NIN: variants seen among roughly 807,000 people sequenced by gnomAD.
NIN encodes the protein ninein.
Under a neutral mutation model 257.6 loss-of-function variants are expected in NIN, and 137 were observed. The observed-to-expected ratio is 0.53, with a 90% CI of 0.46 to 0.61. The LOEUF (loss-of-function observed/expected upper bound fraction) is 0.61. NIN is among the 20% of genes least tolerant of loss of function. The pLI is 0.00. For synonymous variants in NIN, 918 were observed against 919.8 expected (o/e 1.00, Z 0.04); for missense variants, 2,439 against 2,501.2 (o/e 0.98, Z 0.53).
chr14:50,812,101 C>T (rs1310165435), intron 3 of NIN, among the ~76,000 whole-genome samples: 1 of 152,180 alleles, frequency 6.6e-6, no homozygotes, highest in Non-Finnish European at 1.5e-5. Flanking sequence ...GCTTGGGTGA[C>T]AGAGCGAGAC....
intron 3 of NIN, among the ~76,000 whole-genome samples, chr14:50,821,550 C>T (rs75624295): frequency 0.02 from 3,038 of 152,282 alleles, 43 homozygotes; most frequent in African/African-American, 0.042. Flanking sequence ...GGAAATCTCA[C>T]CCTCCTCCTT....
In NIN at chr14:50,738,249, TG is replaced by T. The variant is rs767039870; in HGVS notation, c.5665del (p.Gln1889LysfsTer4). The T allele has an allele frequency of 6.2e-7, 1 of 1,614,050 alleles. No individual in the cohort carries two copies. On this transcript the variant is annotated frameshift_variant, in exon 27 of 31. Transcript: ENST00000530997. LOFTEE classifies it high-confidence loss of function. Reference protein sequence around the residue: ...QLESNLLPKHQKHLNPSGTMN... With the variant: ...QLESNLLPKHXKHLNPSGTMN... Reference sequence around the variant, plus strand: ...GGTACCTGATGGGTTTAGATGTTTTTGGTGCTTGGGAAGAAGATTGGATTCC... The same window carrying T: ...GGTACCTGATGGGTTTAGATGTTTTTGTGCTTGGGAAGAAGATTGGATTCC...
chr14:50,760,379 C>T lies in NIN; in HGVS notation c.1897-20G>A, dbSNP rs770160503. The stretch of plus-strand genomic sequence containing the variant: ...GCGCACCTGAAGGCACAGAGTGACA[C>T]CACCACAAGATTACTCAGCTCAAGG... On this transcript the variant is annotated intron_variant, in intron 16 of 30. Coordinates refer to ENST00000530997, the MANE Select transcript of NIN (RefSeq NM_020921.4). 3 of 1,588,680 alleles carry T rather than the reference C, an allele frequency of 1.9e-6. No homozygotes were observed. Among genetic ancestry groups the T allele is most frequent in the Non-Finnish European group, 2.6e-6 (3 of 1,172,372 alleles).
At position 50,778,752 on chromosome 14, in the gene NIN, A is replaced by ACTCGGCTCTTACCTT; in HGVS notation, c.473_475+12dup. 2 of 1,613,466 alleles carry ACTCGGCTCTTACCTT rather than the reference A, an allele frequency of 1.2e-6. No individual in the cohort carries two copies. Among genetic ancestry groups the ACTCGGCTCTTACCTT allele is most frequent in the South Asian group, 2.2e-5 (2 of 91,046 alleles). The stretch of plus-strand genomic sequence containing the variant: ...TTCCCTTCCAGGCACGTCCTGACAC[A>ACTCGGCTCTTACCTT]CTCGGCTCTTACCTTCCGCTTCATA... On this transcript the variant is annotated intron_variant, in intron 6 of 30. Transcript: ENST00000530997.
intron 3 of NIN, among the ~76,000 whole-genome samples, chr14:50,820,160 T>A (rs56998732): frequency 0.01 from 1,545 of 152,354 alleles, 27 homozygotes; most frequent in African/African-American, 0.035. Flanking sequence ...ATTTAACTTT[T>A]ATCACTGGCT....
intron 28 of NIN, among the ~76,000 whole-genome samples, chr14:50,732,270 A>C (rs955244759): frequency 6.6e-6 from 1 of 152,138 alleles, no homozygotes; most frequent in Non-Finnish European, 1.5e-5. Context: ...CTGAATCCAG[A>C]GATTCTGATA....
At chr14:50,730,943 A>G in intron 28 of NIN, 1 of 1,348,190 alleles carries the variant, frequency 7.4e-7, no homozygotes, top group Non-Finnish European at 9.8e-7. Context: ...TATCTCAGGC[A>G]GAGAACTGCA....
chr14:50,744,952 A>G, intron 22 of NIN, among the ~76,000 whole-genome samples: 1 of 152,080 alleles, frequency 6.6e-6, no homozygotes, highest in East Asian at 1.9e-4. Context: ...ACCCCCTAGA[A>G]TTGGCATGAA....
chr14:50,764,015 GCAA>G (rs750320678), intron 14 of NIN, 51 bp from the exon 15 acceptor site: 27 of 1,488,884 alleles, frequency 1.8e-5, no homozygotes, highest in Middle Eastern at 1.8e-4. Flanking sequence ...AAAAGCATAA[GCAA>G]CAACAACAAC....
At position 50,752,541 on chromosome 14, in the gene NIN, C is replaced by T. The variant is rs1031420823; in HGVS notation, c.4927G>A (p.Glu1643Lys). 5.0e-6 allele frequency: 8 copies of T among 1,613,858 alleles called. No individual in the cohort carries two copies. Among genetic ancestry groups the T allele is most frequent in the South Asian group, 3.3e-5 (3 of 91,044 alleles). ...ACCTGCACTTTACAACGTTCCAGTT[C>T]TTCTTTCAGATTAAACTTCTCTTGT... ...REQEKFNLKE[E>K]LERCKVQSST... Residue 1643 changes from glutamate to lysine, a missense_variant, in exon 21 of 31, where the codon GAA becomes AAA. Glu to Lys is a moderately conservative substitution (Grantham distance 56, BLOSUM62 1). Transcript: ENST00000530997.
chr14:50,773,164 C>A (rs1170823285), intron 7 of NIN, 69 bp from the exon 8 acceptor site: 15 of 1,281,038 alleles, frequency 1.2e-5, no homozygotes, highest in African/African-American at 1.5e-5. Context: ...ATACTTCCGG[C>A]CAGTAGTAAT....
intron 3 of NIN, among the ~76,000 whole-genome samples, chr14:50,820,660 T>C (rs2045167853): frequency 6.6e-6 from 1 of 152,170 alleles, no homozygotes; most frequent in African/African-American, 2.4e-5. Context: ...GCAAGATTTT[T>C]AGCATTTTAT....
intron 3 of NIN, among the ~76,000 whole-genome samples, chr14:50,813,093 T>C (rs1193544460): frequency 6.6e-6 from 1 of 152,216 alleles, no homozygotes; most frequent in East Asian, 1.9e-4. Context: ...AATACTGATG[T>C]GGTGGAAAAG....
chr14:50,789,352 A>G (rs1405358837), intron 5 of NIN, among the ~76,000 whole-genome samples: 1 of 145,606 alleles, frequency 6.9e-6, no homozygotes, highest in African/African-American at 2.5e-5. Context: ...AGGCAGGTGG[A>G]TCATGAGGTC....
At chr14:50,729,493 T>G in intron 29 of NIN, 30 bp downstream of exon 29, 1 of 1,577,728 alleles carries the variant, frequency 6.3e-7, no homozygotes, top group Non-Finnish European at 8.7e-7. Context: ...AATTAACAGG[T>G]GATCTACTAG....
In NIN at chr14:50,729,782, T is replaced by A. The variant is rs548892235; in HGVS notation, c.5878-59A>T. The A allele has an allele frequency of 4.4e-5, 60 of 1,348,996 alleles. No individual in the cohort carries two copies. In the African/African-American group the frequency reaches 7.7e-4, roughly 17 times the overall value. The allele number at this position is 1,348,996 out of a possible 1,614,324, so 83.6% of individuals were successfully genotyped here. On this transcript the variant is annotated intron_variant, in intron 28 of 30. Coordinates refer to ENST00000530997, the MANE Select transcript of NIN (RefSeq NM_020921.4). ...GTCCCTTCAATCCCAGAGCTGCCCT[T>A]TATGGTGTCAGGCAGTGAGTAATGA...
At chr14:50,744,942 A>C (rs562007151) in intron 22 of NIN, among the ~76,000 whole-genome samples, 20 of 151,708 alleles carry the variant, frequency 1.3e-4, no homozygotes, top group African/African-American at 3.6e-4. Context: ...AAACAAAAAA[A>C]CCCCCTAGAA....
intron 5 of NIN, among the ~76,000 whole-genome samples, chr14:50,791,395 C>T (rs868054456): frequency 1.4e-4 from 22 of 151,970 alleles, no homozygotes; most frequent in African/African-American, 4.6e-4. Flanking sequence ...TTGGCTTTTT[C>T]TATTTTCAGC....
Position 50,806,710 on chromosome 14 carries a change from G to T in NIN, c.265+27C>A, listed in dbSNP as rs560588334. ...CCCCGGACAACTTTTAAAGGGGAAG[G>T]CAGAGAAGAGAAGTGAGTGACCTTA... On this transcript the variant is annotated intron_variant, in intron 4 of 30. Coordinates refer to ENST00000530997, the MANE Select transcript of NIN (RefSeq NM_020921.4). 28 of 1,312,916 alleles carry T rather than the reference G, an allele frequency of 2.1e-5. 1 individual carries two copies. In the South Asian group the frequency reaches 3.2e-4, roughly 15 times the overall value. The allele number at this position is 1,312,916 out of a possible 1,614,324, so 81.3% of individuals were successfully genotyped here.
Sources: allele counts gnomAD v4.1 joint callset (sites outside exome capture counted in the v4.1 genomes callset), GRCh38; gene constraint gnomAD v4.1.1; transcripts MANE v1.5; gene names NCBI Gene and HGNC (gene_info 2026-07-23, HGNC 2026-07-21).